The following LPP variants were observed in gnomAD, a reference collection of about 807,000 sequenced individuals.
LPP encodes lipoma-preferred partner.
Under a neutral mutation model 60.4 loss-of-function variants are expected in LPP, and 38 were observed. The ratio of observed to expected loss-of-function variants is 0.63; its 90% CI spans 0.49 to 0.83. LPP has a LOEUF of 0.83. Ranked by LOEUF, LPP falls within the 40% of genes least tolerant of loss-of-function variation. LPP has a pLI of 0.00. For synonymous variants in LPP, 328 were observed against 290.8 expected (o/e 1.13, Z -1.30); for missense variants, 902 against 783.6 (o/e 1.15, Z -1.80).
intron 5 of LPP, among the ~76,000 whole-genome samples, chr3:188,492,308 A>G (rs1228370772): frequency 1.3e-5 from 2 of 152,166 alleles, no homozygotes; most frequent in African/African-American, 4.8e-5. Flanking sequence ...CTCTCCCATC[A>G]AGAGTCTTAG....
intron 5 of LPP, among the ~76,000 whole-genome samples, chr3:188,485,017 A>G (rs763906828): frequency 6.6e-6 from 1 of 151,936 alleles, no homozygotes; most frequent in African/African-American, 2.4e-5. Context: ...TTTCCTTGTT[A>G]TTTTGGAGGA....
At chr3:188,713,397 A>G (rs550598624) in intron 8 of LPP, among the ~76,000 whole-genome samples, 7 of 152,262 alleles carry the variant, frequency 4.6e-5, no homozygotes, top group South Asian at 2.1e-4. Context: ...ATGAAAAAAA[A>G]AAAAGCTGTA....
At chr3:188,648,617 T>A (rs1224032718) in intron 7 of LPP, among the ~76,000 whole-genome samples, 1 of 152,190 alleles carries the variant, frequency 6.6e-6, no homozygotes, top group Non-Finnish European at 1.5e-5. Context: ...ATTTGCTCTA[T>A]CTAGCCTTCA....
At chr3:188,203,378 TAA>T (rs1219045204) in intron 1 of LPP, among the ~76,000 whole-genome samples, 11 of 97,334 alleles carry the variant, frequency 1.1e-4, no homozygotes, top group African/African-American at 2.1e-4. Flanking sequence ...AAATATATAT[TAA>T]TATTTATATA....
chr3:188,231,454 G>A (rs2149365582), intron 2 of LPP, among the ~76,000 whole-genome samples: 1 of 152,316 alleles, frequency 6.6e-6, no homozygotes. Context: ...AGGATGTAAA[G>A]TTGGCATGGC....
intron 9 of LPP, among the ~76,000 whole-genome samples, chr3:188,854,230 C>T (rs1484153285): frequency 2.0e-5 from 3 of 152,190 alleles, no homozygotes; most frequent in African/African-American, 7.2e-5. Context: ...CTGTGCGTTT[C>T]ATACCTAGTT....
At chr3:188,466,976 C>T (rs1379510316) in intron 4 of LPP, among the ~76,000 whole-genome samples, 1 of 134,120 alleles carries the variant, frequency 7.5e-6, no homozygotes, top group African/African-American at 2.8e-5. Flanking sequence ...TCTGCACTAA[C>T]ATTTTTCATT....
At chr3:188,826,285 A>G (rs1046045126) in intron 9 of LPP, among the ~76,000 whole-genome samples, 4 of 152,144 alleles carry the variant, frequency 2.6e-5, no homozygotes, top group African/African-American at 9.7e-5. Flanking sequence ...GGGGCTAACA[A>G]AATGCTCTGC....
intron 2 of LPP, among the ~76,000 whole-genome samples, chr3:188,300,370 A>T (rs1007545239): frequency 7.3e-5 from 11 of 151,330 alleles, no homozygotes; most frequent in Admixed American, 3.3e-4. Context: ...GTGACGAACG[A>T]TTGTGACTAT....
At chr3:188,306,696 G>A (rs1168429934) in intron 2 of LPP, among the ~76,000 whole-genome samples, 1 of 152,186 alleles carries the variant, frequency 6.6e-6, no homozygotes, top group Admixed American at 6.5e-5. Flanking sequence ...AATGGGAGGT[G>A]CTCAAGAGGG....
intron 1 of LPP, among the ~76,000 whole-genome samples, chr3:188,220,162 C>G (rs1320669693): frequency 1.3e-5 from 2 of 152,152 alleles, no homozygotes; most frequent in Non-Finnish European, 2.9e-5. Flanking sequence ...CCCTGAAACC[C>G]ACCATGTTGA....
At chr3:188,413,274 C>G (rs966361547) in intron 4 of LPP, among the ~76,000 whole-genome samples, 1 of 152,120 alleles carries the variant, frequency 6.6e-6, no homozygotes, top group African/African-American at 2.4e-5. Flanking sequence ...TCTTATTGTC[C>G]TTTTCCCCAT....
At chr3:188,209,924 T>A (rs1734249725) in intron 1 of LPP, among the ~76,000 whole-genome samples, 1 of 152,116 alleles carries the variant, frequency 6.6e-6, no homozygotes, top group African/African-American at 2.4e-5. Flanking sequence ...AAAAAATGCA[T>A]TAGAAGTCAG....
chr3:188,610,991 A>C lies in LPP; in HGVS notation c.1113+1147A>C, dbSNP rs939900516. ...TTAAAAATTCTTTCCACATTTTTAC[A>C]AGATTGTCCATTTCAAGACAGATCT... On this transcript the variant is annotated intron_variant, in intron 7 of 11. Coordinates refer to ENST00000617246, the MANE Select transcript of LPP (RefSeq NM_001375462.1). The surrounding 1 kb of genome is among the most constrained non-coding windows in gnomAD (Gnocchi z 4.4). Among the ~76,000 whole-genome samples, 1 of 152,238 alleles carries C rather than the reference A, an allele frequency of 6.6e-6. No homozygotes were observed. Among genetic ancestry groups the C allele is most frequent in the African/African-American group, 2.4e-5 (1 of 41,462 alleles).
At chr3:188,753,517 C>A (rs903195705) in intron 8 of LPP, among the ~76,000 whole-genome samples, 2 of 151,386 alleles carry the variant, frequency 1.3e-5, no homozygotes, top group African/African-American at 4.9e-5. Context: ...GCTGCCCAGG[C>A]CTTTATCCAC....
rs541031275 is a variant in LPP, at chr3:188,659,688, G to C, written c.1114-48579G>C. On this transcript the variant is annotated intron_variant, in intron 7 of 11. Transcript: ENST00000617246. ...CTACAAATCCTTGCTCCAACTCGCA[G>C]CTTGGCAAGGGATCTTGCTATCAGC... Among the ~76,000 whole-genome samples, 70 of 152,204 alleles carry C rather than the reference G, an allele frequency of 4.6e-4. 5 individuals are homozygous for C. In the South Asian group the frequency reaches 0.014, roughly 31 times the overall value.
intron 7 of LPP, among the ~76,000 whole-genome samples, chr3:188,635,688 C>G (rs1348344124): frequency 1.3e-5 from 2 of 152,132 alleles, no homozygotes; most frequent in African/African-American, 4.8e-5. Flanking sequence ...AGTGAGAAAT[C>G]AGAAGATGTC....
chr3:188,611,661 T>C (rs1386515690), intron 7 of LPP, among the ~76,000 whole-genome samples: 1 of 152,208 alleles, frequency 6.6e-6, no homozygotes. Flanking sequence ...CCTGAAGGAA[T>C]GACATGGTGT....
At chr3:188,579,234 G>C (rs1835473052) in intron 6 of LPP, among the ~76,000 whole-genome samples, 1 of 152,134 alleles carries the variant, frequency 6.6e-6, no homozygotes, top group Admixed American at 6.5e-5. Context: ...CTAAGGGTGG[G>C]GAGAGCAGGG....
Sources: gnomAD v4.1 joint callset for allele counts (sites outside exome capture counted in the v4.1 genomes callset) on GRCh38, gnomAD v4.1.1 for gene constraint, Gnocchi (gnomAD v3.1) non-coding constraint, MANE v1.5 for transcripts, NCBI Gene and HGNC (gene_info 2026-07-23, HGNC 2026-07-21) for gene names.